Variants in SLC1A1 observed in about 807,000 individuals in gnomAD.
SLC1A1 encodes the protein excitatory amino acid transporter 3.
A neutral mutation model predicts 53.3 loss-of-function variants in SLC1A1; 43 were observed. The observed-to-expected ratio is 0.81, with a 90% CI of 0.63 to 1.04. The LOEUF (loss-of-function observed/expected upper bound fraction) is 1.04, where lower values mean the gene tolerates loss of function less well. Among genes scored for constraint, SLC1A1 ranks in the 50% least tolerant of loss-of-function variants. The probability of loss-of-function intolerance (pLI) is 0.00; values close to 1 mark genes in which losing one functional copy is unlikely to be tolerated. For missense variants in SLC1A1, 748 were observed against 664.9 expected (o/e 1.12, Z -1.37); for synonymous variants, 307 against 243.2 (o/e 1.26, Z -2.44).
chr9:4,578,228 T>G (rs1450106596), intron 10 of SLC1A1, among the ~76,000 whole-genome samples: 1 of 152,208 alleles, frequency 6.6e-6, no homozygotes, highest in African/African-American at 2.4e-5. Context: ...TTATTGCTTG[T>G]ATTGGAATCG....
chr9:4,573,357 A>G (rs1000715629), intron 7 of SLC1A1, among the ~76,000 whole-genome samples: 7 of 152,208 alleles, frequency 4.6e-5, no homozygotes, highest in African/African-American at 1.7e-4. Context: ...GTTAAAAAGG[A>G]TAATAAAAGC....
At chr9:4,540,532 C>T (rs552286995) in intron 1 of SLC1A1, among the ~76,000 whole-genome samples, 3 of 152,252 alleles carry the variant, frequency 2.0e-5, no homozygotes, top group East Asian at 3.9e-4. Context: ...GCCCTCTGGG[C>T]CTTCAGGGGT....
chr9:4,574,026 T>A lies in SLC1A1; in HGVS notation c.875+12T>A. 6.4e-7 allele frequency: 1 copy of A among 1,555,966 alleles called. No individual in the cohort carries two copies. The highest frequency in any genetic ancestry group is 2.2e-5 in the East Asian group (1 of 44,570). On this transcript the variant is annotated intron_variant, in intron 8 of 11. Transcript: ENST00000262352. ...ACAGTCCTGACTGGGTATGTCAGAC[T>A]CAAGAGAAGAGACAGAAACCTCCTT...
chr9:4,531,842 A>T (rs954898060), intron 1 of SLC1A1, among the ~76,000 whole-genome samples: 1 of 152,262 alleles, frequency 6.6e-6, no homozygotes, highest in East Asian at 1.9e-4. Flanking sequence ...TGGCAGGGTA[A>T]CCCTCTGAGA....
At position 4,564,393 on chromosome 9, in the gene SLC1A1, T is replaced by G; in HGVS notation, c.375T>G (p.Gly125=). 6.2e-7 allele frequency: 1 copy of G among 1,613,770 alleles called. No individual in the cohort carries two copies. Reference sequence around the variant, plus strand: ...AGCCTGGTGTCACCCAGAAAGTGGGTGAAATTGCGAGGACAGGCAGCACCC... The same window carrying G: ...AGCCTGGTGTCACCCAGAAAGTGGGGGAAATTGCGAGGACAGGCAGCACCC... ...SIKPGVTQKV[G]EIARTGSTPE... Residue 125 remains glycine, a synonymous_variant, in exon 4 of 12, where the codon GGT becomes GGG. Coordinates refer to ENST00000262352, the MANE Select transcript of SLC1A1 (RefSeq NM_004170.6).
At position 4,566,047 on chromosome 9, in the gene SLC1A1, G is replaced by T. The variant is rs748386266; in HGVS notation, c.441G>T (p.Arg147Ser). The change falls in exon 5 of 12, where the codon AGG becomes AGT. Residue 147 changes from arginine (R) to serine (S), a missense_variant and splice_region_variant. Physicochemically the swap from Arg to Ser is moderately radical, Grantham distance 110. Transcript: ENST00000262352. Reference sequence around the variant, plus strand: ...ATACTGCCTTTTATGTCTCCAACAGGAATATGTTCCCTGAGAATCTTGTCC... The same window carrying T: ...ATACTGCCTTTTATGTCTCCAACAGTAATATGTTCCCTGAGAATCTTGTCC... The part of the protein sequence containing the change: ...STVDAMLDLI[R>S]NMFPENLVQA... The T allele has an allele frequency of 6.8e-6, 11 of 1,612,588 alleles. No homozygotes were observed. Among genetic ancestry groups the T allele is most frequent in the Non-Finnish European group, 7.6e-6 (9 of 1,178,840 alleles).
chr9:4,545,935 G>A (rs182932822), intron 2 of SLC1A1, among the ~76,000 whole-genome samples: 136 of 152,286 alleles, frequency 8.9e-4, no homozygotes, highest in Non-Finnish European at 1.4e-3. Flanking sequence ...GTGTTAGATT[G>A]AAAATCAAGG....
Position 4,490,511 on chromosome 9 carries a change from C to G in SLC1A1, c.-169C>G, listed in dbSNP as rs1820190826. On this transcript the variant is annotated 5_prime_UTR_variant, in exon 1 of 12. In the 5' UTR this introduces an upstream ATG that the reference lacks. Coordinates refer to ENST00000262352, the MANE Select transcript of SLC1A1 (RefSeq NM_004170.6). ...CAGGGCGGCGGGCGCGGTGCGCGAT[C>G]CCGGGTGGCGGCGGCAACGGCGGTG... 2.4e-6 allele frequency: 1 copy of G among 416,894 alleles called. No homozygotes were observed. Among genetic ancestry groups the G allele is most frequent in the Non-Finnish European group, 4.2e-6 (1 of 236,258 alleles). 25.8% of individuals were successfully genotyped at this position (416,894 alleles called of 1,614,324 possible). A position where few individuals can be genotyped will look rare whatever the true frequency, so the allele number is the denominator to read the frequency against.
In SLC1A1 at chr9:4,525,128, C is replaced by G. The variant is rs150382933; in HGVS notation, c.92-19439C>G. On this transcript the variant is annotated intron_variant, in intron 1 of 11. Coordinates refer to ENST00000262352, the MANE Select transcript of SLC1A1 (RefSeq NM_004170.6). ...GCCCACGTGAGTGAAGGAGTCTAAA[C>G]GAAACCTTGACATAAAGTCTGGAAC... Among the ~76,000 whole-genome samples the G allele has an allele frequency of 2.0e-5, 3 of 152,210 alleles. No individual in the cohort carries two copies. In the East Asian group the frequency reaches 5.8e-4, roughly 29 times the overall value.
intron 2 of SLC1A1, among the ~76,000 whole-genome samples, chr9:4,559,162 A>T (rs979081342): frequency 1.3e-5 from 2 of 152,182 alleles, no homozygotes; most frequent in Non-Finnish European, 2.9e-5. Context: ...CCTAATTGTT[A>T]TCTTTCATTG....
chr9:4,494,406 A>C (rs1445693376), intron 1 of SLC1A1, among the ~76,000 whole-genome samples: 1 of 152,152 alleles, frequency 6.6e-6, no homozygotes, highest in Non-Finnish European at 1.5e-5. Context: ...GAATAATTTG[A>C]TTATGAGAAA....
At chr9:4,535,180 TC>T (rs956850610) in intron 1 of SLC1A1, among the ~76,000 whole-genome samples, 2 of 152,128 alleles carry the variant, frequency 1.3e-5, no homozygotes, top group African/African-American at 4.8e-5. Context: ...CCACTCCTAT[TC>T]AACATAGTGT....
intron 1 of SLC1A1, among the ~76,000 whole-genome samples, chr9:4,539,794 A>G (rs1457480513): frequency 6.6e-6 from 1 of 151,284 alleles, no homozygotes; most frequent in Admixed American, 6.6e-5. Flanking sequence ...ATGGTCTCAA[A>G]CTCCTGACCT....
intron 1 of SLC1A1, among the ~76,000 whole-genome samples, chr9:4,534,518 G>C (rs1359887762): frequency 6.6e-6 from 1 of 152,112 alleles, no homozygotes; most frequent in African/African-American, 2.4e-5. Flanking sequence ...CCAGCAAGAA[G>C]TTGAATCTCT....
rs908406041 is a variant in SLC1A1, at chr9:4,585,579, T to G, written c.*21T>G. 1.9e-6 allele frequency: 3 copies of G among 1,614,040 alleles called. No individual in the cohort carries two copies. Among genetic ancestry groups the G allele is most frequent in the Admixed American group, 3.3e-5 (2 of 60,006 alleles). ...TCTAGGGCCCCTGGCTGCAGATGAC[T>G]GGAAACAAGGAAGGACATTTCCGTG... On this transcript the variant is annotated 3_prime_UTR_variant, in exon 12 of 12. Coordinates refer to ENST00000262352, the MANE Select transcript of SLC1A1 (RefSeq NM_004170.6).
Position 4,501,336 on chromosome 9 carries a change from C to A in SLC1A1, c.91+10566C>A, listed in dbSNP as rs75789335. On this transcript the variant is annotated intron_variant, in intron 1 of 11. Coordinates refer to ENST00000262352, the MANE Select transcript of SLC1A1 (RefSeq NM_004170.6). Reference sequence around the variant, plus strand: ...TCTCTGCTTGGTCTGCATGTTGAAGCAATAGCAGACTTTGGGACTGGAACT... The same window carrying A: ...TCTCTGCTTGGTCTGCATGTTGAAGAAATAGCAGACTTTGGGACTGGAACT... Among the ~76,000 whole-genome samples the A allele has an allele frequency of 8.9e-3, 1,342 of 151,394 alleles. 16 individuals carry two copies. The highest frequency in any genetic ancestry group is 0.031 in the East Asian group (159 of 5,140).
chr9:4,584,681 G>A (rs1045366313), intron 11 of SLC1A1, among the ~76,000 whole-genome samples: 3 of 152,106 alleles, frequency 2.0e-5, no homozygotes, highest in Admixed American at 2.0e-4. Context: ...CTGTCTTCCT[G>A]CCACCAGTCT....
chr9:4,536,520 A>G (rs147412454), intron 1 of SLC1A1, among the ~76,000 whole-genome samples: 1,610 of 152,268 alleles, frequency 0.011, 33 homozygotes, highest in African/African-American at 0.037. Flanking sequence ...TTAGAATGGC[A>G]ATCATTAAAA....
chr9:4,568,841 T>C (rs1313581588), intron 6 of SLC1A1, among the ~76,000 whole-genome samples: 1 of 152,162 alleles, frequency 6.6e-6, no homozygotes, highest in Admixed American at 6.6e-5. Flanking sequence ...TATAGTGCTG[T>C]TGGCTGTGAG....
Sources: gnomAD v4.1 joint callset for allele counts (sites outside exome capture counted in the v4.1 genomes callset) on GRCh38, gnomAD v4.1.1 for gene constraint, MANE v1.5 for transcripts, NCBI Gene and HGNC (gene_info 2026-07-23, HGNC 2026-07-21) for gene names.